Variants in TTC24 observed in about 807,000 individuals in gnomAD.
TTC24 encodes the protein tetratricopeptide repeat domain 24.
Under a neutral mutation model 63.3 loss-of-function variants are expected in TTC24, and 54 were observed. That is an observed-to-expected ratio of 0.85 (90% confidence interval 0.69 to 1.07). The LOEUF is 1.07. TTC24 is among the 50% of genes least tolerant of loss of function. The pLI is 0.00. For missense variants in TTC24, 680 were observed against 730.5 expected (o/e 0.93, Z 0.80); for synonymous variants, 276 against 304.3 (o/e 0.91, Z 0.97).
In TTC24 at chr1:156,583,463, A is replaced by G; in HGVS notation, c.1152+13A>G. ...GGCCCAGTGTCAGGTGAGACCCCGC[A>G]CACCGGAATCCACCTCTCCCCTGCT... On this transcript the variant is annotated intron_variant, in intron 5 of 10. Transcript: ENST00000368236. The surrounding 1 kb of genome is among the most constrained non-coding windows in gnomAD (Gnocchi z 4.0). 1.3e-6 allele frequency: 2 copies of G among 1,570,706 alleles called. No individual in the cohort carries two copies. The highest frequency in any genetic ancestry group is 1.2e-5 in the South Asian group (1 of 86,112).
At position 156,586,918 on chromosome 1, in the gene TTC24, A is replaced by G. The variant is rs191854483; in HGVS notation, c.*368A>G. The G allele has an allele frequency of 1.6e-3, 321 of 195,560 alleles. 1 individual carries two copies. The highest frequency in any genetic ancestry group is 7.1e-3 in the Middle Eastern group (3 of 422). The allele number at this position is 195,560 out of a possible 1,614,324, so 12.1% of individuals were successfully genotyped here. A position where few individuals can be genotyped will look rare whatever the true frequency, so the allele number is the denominator to read the frequency against. On this transcript the variant is annotated 3_prime_UTR_variant, in exon 11 of 11. Transcript: ENST00000368236. Reference sequence around the variant, plus strand: ...TGTCTCCAGACGTCCATTTTTGCACATGAGAAATGAGGATATAATACTACA... The same window carrying G: ...TGTCTCCAGACGTCCATTTTTGCACGTGAGAAATGAGGATATAATACTACA...
Position 156,585,744 on chromosome 1 carries a change from G to C in TTC24, c.1488G>C (p.Ser496=). The change falls in exon 9 of 11, where the codon TCG becomes TCC. Residue 496 remains serine, a synonymous_variant. Coordinates refer to ENST00000368236, the MANE Select transcript of TTC24 (RefSeq NM_001105669.4). ...TCCTTCCAGGCACAGTGAATCATTC[G>C]CACCATCTAGCTTCTAGTTGCCCCA... ...LCFLPGTVNH[S]HHLASSCPTF... The C allele has an allele frequency of 2.5e-6, 4 of 1,613,792 alleles. No individual in the cohort carries two copies. Among genetic ancestry groups the C allele is most frequent in the Non-Finnish European group, 3.4e-6 (4 of 1,179,800 alleles).
chr1:156,583,548 A>G lies in TTC24; in HGVS notation c.1152+98A>G. ...CTTGTCTTCTCCCCATCACTCACTCAATCAGCAAACATGCACTGGACACAC... is the reference window on the plus strand; with the variant it reads ...CTTGTCTTCTCCCCATCACTCACTCGATCAGCAAACATGCACTGGACACAC... On this transcript the variant is annotated intron_variant, in intron 5 of 10. Coordinates refer to ENST00000368236, the MANE Select transcript of TTC24 (RefSeq NM_001105669.4). This position sits in a 1 kb window ranked among gnomAD's most constrained non-coding sequence, Gnocchi z 4.0. 9.5e-7 allele frequency: 1 copy of G among 1,056,436 alleles called. No individual in the cohort carries two copies. Among genetic ancestry groups the G allele is most frequent in the Non-Finnish European group, 1.4e-6 (1 of 728,078 alleles). The allele number at this position is 1,056,436 out of a possible 1,614,324, so 65.4% of individuals were successfully genotyped here.
chr1:156,583,247 G>T lies in TTC24; in HGVS notation c.1039+77G>T. 6.2e-7 allele frequency: 1 copy of T among 1,609,380 alleles called. No homozygotes were observed. Among genetic ancestry groups the T allele is most frequent in the Non-Finnish European group, 8.5e-7 (1 of 1,178,038 alleles). ...CCTAGGGGCTGGCGGGGAGGCAGAT[G>T]GGGGGAACTGAGGGTAGGGAGTGCC... On this transcript the variant is annotated intron_variant, in intron 4 of 10. Coordinates refer to ENST00000368236, the MANE Select transcript of TTC24 (RefSeq NM_001105669.4). The surrounding 1 kb of genome is among the most constrained non-coding windows in gnomAD (Gnocchi z 4.0).
intron 1 of TTC24, 28 bp from the exon 2 acceptor site, chr1:156,581,333 T>C (rs1676983614): frequency 2.8e-6 from 4 of 1,447,284 alleles, no homozygotes; most frequent in Middle Eastern, 1.9e-4. Flanking sequence ...AAGGCTGACA[T>C]ACTGAGCCCT....
intron 8 of TTC24, 140 bp downstream of exon 8, chr1:156,585,371 A>C: frequency 1.4e-6 from 1 of 689,892 alleles, no homozygotes; most frequent in South Asian, 1.9e-5. Flanking sequence ...GGCCTGGCAC[A>C]ACCTCGCGCC....
intron 8 of TTC24, 83 bp downstream of exon 8, chr1:156,585,314 TC>T (rs1557958805): frequency 8.9e-7 from 1 of 1,128,672 alleles, no homozygotes; most frequent in Non-Finnish European, 1.3e-6. Context: ...TGCCTCCGCT[TC>T]TTATGCCCAT....
Position 156,583,186 on chromosome 1 carries a change from T to C in TTC24, c.1039+16T>C, listed in dbSNP as rs1266705233. 1.2e-6 allele frequency: 2 copies of C among 1,609,172 alleles called. No homozygotes were observed. Among genetic ancestry groups the C allele is most frequent in the African/African-American group, 1.3e-5 (1 of 74,328 alleles). On this transcript the variant is annotated intron_variant, in intron 4 of 10. Transcript: ENST00000368236. The surrounding 1 kb of genome is among the most constrained non-coding windows in gnomAD (Gnocchi z 4.0). ...CGGGACTCTGGTAAGCGTGAGAGGGTTGGGATGTGACTGGGACAGTGGGGA... is the reference window on the plus strand; with the variant it reads ...CGGGACTCTGGTAAGCGTGAGAGGGCTGGGATGTGACTGGGACAGTGGGGA...
rs1557956761 is a variant in TTC24, at chr1:156,582,321, G to T, written c.797G>T (p.Cys266Phe). Residue 266 changes from cysteine (C) to phenylalanine (F), a missense_variant, in exon 3 of 11, where the codon TGC becomes TTC. Transcript: ENST00000368236. ...VEAFLQALPLCWVPGEQATVL... is the reference protein window; with the variant it reads ...VEAFLQALPLFWVPGEQATVL... ...GCCTTCCTGCAGGCCCTGCCCCTGT[G>T]CTGGGTGCCAGGAGAGCAGGCCACA... 4 of 1,600,700 alleles carry T rather than the reference G, an allele frequency of 2.5e-6. No individual in the cohort carries two copies. The highest frequency in any genetic ancestry group is 3.4e-6 in the Non-Finnish European group (4 of 1,173,968).
At position 156,583,059 on chromosome 1, in the gene TTC24, T is replaced by A; in HGVS notation, c.928T>A (p.Trp310Arg). The A allele has an allele frequency of 6.2e-7, 1 of 1,612,696 alleles. No homozygotes were observed. The highest frequency in any genetic ancestry group is 8.5e-7 in the Non-Finnish European group (1 of 1,179,392). ...ADLHGSVGQR[W>R]EQGRSFGSLA... The stretch of plus-strand genomic sequence containing the variant: ...GTCCTCAGGCTCTGTGGGGCAGCGG[T>A]GGGAGCAGGGCCGGAGCTTTGGCAG... Residue 310 changes from tryptophan to arginine, a missense_variant, in exon 4 of 11, where the codon TGG becomes AGG. By Grantham distance (101) the Trp-to-Arg change is moderately radical. Coordinates refer to ENST00000368236, the MANE Select transcript of TTC24 (RefSeq NM_001105669.4). This position sits in a 1 kb window ranked among gnomAD's most constrained non-coding sequence, Gnocchi z 4.0.
At chr1:156,580,496 T>C (rs56316270) in intron 1 of TTC24, among the ~76,000 whole-genome samples, 19,046 of 151,900 alleles carry the variant, frequency 0.13, 2,736 homozygotes, top group African/African-American at 0.35. Flanking sequence ...GCAGCTTTTT[T>C]TGAGACAGAG....
Position 156,586,030 on chromosome 1 carries a change from G to GC in TTC24, c.1655dup (p.Gln553SerfsTer4). 6.4e-7 allele frequency: 1 copy of GC among 1,572,488 alleles called. No homozygotes were observed. The highest frequency in any genetic ancestry group is 8.6e-7 in the Non-Finnish European group (1 of 1,158,726). On this transcript the variant is annotated frameshift_variant, in exon 10 of 11. Coordinates refer to ENST00000368236, the MANE Select transcript of TTC24 (RefSeq NM_001105669.4). LOFTEE classifies it low-confidence loss of function (END_TRUNC). The stretch of plus-strand genomic sequence containing the variant: ...TACCCTAGCATCTTGGTACCCAATG[G>GC]CCCTCAAGCCAATAGGTGGGTCCTT...
Position 156,581,706 on chromosome 1 carries a change from G to A in TTC24, c.342G>A (p.Arg114=). The change falls in exon 2 of 11, where the codon AGG becomes AGA. Residue 114 remains arginine (R), a synonymous_variant. Transcript: ENST00000368236. ...ACCCTGAAGAGAAGGCACAGGGCAG[G>A]CGACACGGCGACCAATGTTTCAATG... The part of the protein sequence containing the change: ...RAHPEEKAQG[R]RHGDQCFNVA... The A allele has an allele frequency of 6.4e-7, 1 of 1,551,790 alleles. No homozygotes were observed. The highest frequency in any genetic ancestry group is 8.7e-7 in the Non-Finnish European group (1 of 1,147,012).
chr1:156,580,758 G>A (rs1488213274), intron 1 of TTC24, among the ~76,000 whole-genome samples: 1 of 152,184 alleles, frequency 6.6e-6, no homozygotes, highest in Non-Finnish European at 1.5e-5. Flanking sequence ...TTACTGGTGT[G>A]AGCCATCGCA....
intron 8 of TTC24, 32 bp downstream of exon 8, chr1:156,585,263 C>T: frequency 6.5e-7 from 1 of 1,546,336 alleles, no homozygotes; most frequent in Non-Finnish European, 8.8e-7. Flanking sequence ...CTGGCGGTGC[C>T]TCTCCTTACT....
At chr1:156,585,080 T>A (rs768906330) in intron 7 of TTC24, 45 bp from the exon 8 acceptor site, 2 of 1,568,870 alleles carry the variant, frequency 1.3e-6, no homozygotes, top group Non-Finnish European at 1.7e-6. Context: ...AGGAGGGGAC[T>A]GGTGTCGCTC....
chr1:156,585,281 T>C (rs1372329289), intron 8 of TTC24, 50 bp downstream of exon 8: 1 of 1,454,660 alleles, frequency 6.9e-7, no homozygotes, highest in African/African-American at 1.4e-5. Context: ...ACTGCAAATA[T>C]GGCACTCCCA....
At position 156,583,969 on chromosome 1, in the gene TTC24, G is replaced by C. The variant is rs775131478; in HGVS notation, c.1251+74G>C. The stretch of plus-strand genomic sequence containing the variant: ...AGAGAAGGGGTTGGTGGTAAGCAGA[G>C]ACGCTGTTCCCTGGGATGCTGCGCG... On this transcript the variant is annotated intron_variant, in intron 6 of 10. Coordinates refer to ENST00000368236, the MANE Select transcript of TTC24 (RefSeq NM_001105669.4). This position sits in a 1 kb window ranked among gnomAD's most constrained non-coding sequence, Gnocchi z 4.0. 6.7e-6 allele frequency: 9 copies of C among 1,341,868 alleles called. No homozygotes were observed. The highest frequency in any genetic ancestry group is 1.5e-5 in the African/African-American group (1 of 68,818). 83.1% of individuals were successfully genotyped at this position (1,341,868 alleles called of 1,614,324 possible).
At chr1:156,585,270 T>C (rs1677123956) in intron 8 of TTC24, 39 bp downstream of exon 8, 1 of 1,521,474 alleles carries the variant, frequency 6.6e-7, no homozygotes, top group Non-Finnish European at 9.0e-7. Context: ...TGCCTCTCCT[T>C]ACTGCAAATA....
Sources: gnomAD v4.1 joint callset for allele counts (sites outside exome capture counted in the v4.1 genomes callset) on GRCh38, gnomAD v4.1.1 for gene constraint, Gnocchi (gnomAD v3.1) non-coding constraint, MANE v1.5 for transcripts, NCBI Gene and HGNC (gene_info 2026-07-23, HGNC 2026-07-21) for gene names.